The following COQ2 variants were observed in gnomAD, a reference collection of about 807,000 sequenced individuals.
COQ2 encodes coenzyme Q2, polyprenyltransferase.
COQ2 carries 25 observed loss-of-function variants against 35.7 expected under a neutral mutation model. That is an observed-to-expected ratio of 0.70 (90% CI 0.51 to 0.98). The LOEUF (loss-of-function observed/expected upper bound fraction) is 0.98, where lower values mean the gene tolerates loss of function less well. COQ2 is among the 50% of genes least tolerant of loss of function. COQ2 has a pLI of 0.00. For missense variants in COQ2, 488 were observed against 473.5 expected, an observed-to-expected ratio of 1.03 and a Z score of -0.28; for synonymous variants, 206 against 186.2, an observed-to-expected ratio of 1.11 and a Z score of -0.86.
chr4:83,267,526 A>C, intron 6 of COQ2, 60 bp downstream of exon 6: 1 of 1,445,148 alleles, frequency 6.9e-7, no homozygotes, highest in Admixed American at 2.8e-5. Flanking sequence ...CATACTGTTT[A>C]AATAATTTTT....
intron 2 of COQ2, among the ~76,000 whole-genome samples, chr4:83,278,009 CACACA>C (rs1312348313): frequency 4.5e-4 from 67 of 148,236 alleles, no homozygotes; most frequent in African/African-American, 1.7e-3. Context: ...CACACACACA[CACACA>C]CACACACACG....
At chr4:83,268,313 T>C (rs1218222371) in intron 5 of COQ2, among the ~76,000 whole-genome samples, 18 of 152,182 alleles carry the variant, frequency 1.2e-4, no homozygotes, top group Admixed American at 1.1e-3. Context: ...TCAAATCCTG[T>C]TTAGGTAGAG....
At chr4:83,275,712 A>G (rs1442670597) in intron 2 of COQ2, among the ~76,000 whole-genome samples, 1 of 152,078 alleles carries the variant, frequency 6.6e-6, no homozygotes, top group African/African-American at 2.4e-5. Context: ...TTTTAACTCT[A>G]GTCAAGAGTG....
At chr4:83,284,854 C>T (rs766552045), upstream of COQ2, 108 of 1,543,862 alleles carry the variant, frequency 7.0e-5, 1 homozygote, top group East Asian at 2.2e-3. Flanking sequence ...CCTAGTCTGC[C>T]AGGCTGGGCG....
At chr4:83,283,998 AAC>A (rs1271855490) in intron 1 of COQ2, 9 of 985,304 alleles carry the variant, frequency 9.1e-6, no homozygotes, top group Admixed American at 6.1e-5. Flanking sequence ...TCAGCATCAA[AAC>A]ACAGAGTTCT....
chr4:83,284,957 A>G, upstream of COQ2: 1 of 1,373,384 alleles, frequency 7.3e-7, no homozygotes, highest in Non-Finnish European at 9.5e-7. Context: ...TGAAAAAGGG[A>G]TTTCTATTGG....
Position 83,264,286 on chromosome 4 carries a change from A to T in COQ2, c.1029T>A (p.Val343=). The part of the protein sequence containing the change: ...FISNRTLGLI[V]FLGIVLGNLW... The stretch of plus-strand genomic sequence containing the variant: ...AATTCCCAAGGACAATCCCTAAAAA[A>T]ACTATTAGTCCCAGTGTTCGGTTGG... Residue 343 remains valine (V), a synonymous_variant, in exon 7 of 7, where the codon GTT becomes GTA. Coordinates refer to ENST00000647002, the MANE Select transcript of COQ2 (RefSeq NM_001358921.2). 2.5e-6 allele frequency: 4 copies of T among 1,612,378 alleles called. No individual in the cohort carries two copies. Among genetic ancestry groups the T allele is most frequent in the Non-Finnish European group, 3.4e-6 (4 of 1,179,364 alleles).
intron 1 of COQ2, chr4:83,284,022 T>A (rs1735389892): frequency 3.0e-6 from 3 of 985,360 alleles, no homozygotes; most frequent in South Asian, 4.7e-5. Flanking sequence ...CTGGTCTGGC[T>A]CTGACGAGGA....
rs368891722 is a variant in COQ2 at position 83,284,787 on chromosome 4, G to A, written c.-23C>T. On this transcript the variant is annotated 5_prime_UTR_variant, in exon 1 of 7. Coordinates refer to ENST00000647002, the MANE Select transcript of COQ2 (RefSeq NM_001358921.2). ...CATGGCGCTGGTGAGGCCGGGACGA[G>A]CTCGGATTGACGTCATTCCCCGGCA... The A allele has an allele frequency of 5.1e-6, 8 of 1,566,996 alleles. No individual in the cohort carries two copies. The African/African-American group carries it at 5.4e-5, about 11-fold the overall frequency.
intron 2 of COQ2, among the ~76,000 whole-genome samples, chr4:83,278,477 T>C (rs1477701637): frequency 1.3e-5 from 2 of 152,246 alleles, no homozygotes; most frequent in African/African-American, 2.4e-5. Flanking sequence ...GCATGTATTA[T>C]TTTTCTAAGG....
Position 83,284,563 on chromosome 4 carries a change from G to T in COQ2, c.202C>A (p.Pro68Thr). The T allele has an allele frequency of 6.4e-7, 1 of 1,566,558 alleles. No homozygotes were observed. The highest frequency in any genetic ancestry group is 8.6e-7 in the Non-Finnish European group (1 of 1,157,846). ...CGCAAGTACGGCTGCAGGGGGCGGG[G>T]CGCAGAGTCCACCACCGCCGCCGCG... ...LSAAAVVDSA[P>T]RPLQPYLRLM... Residue 68 changes from proline (P) to threonine (T), a missense_variant, in exon 1 of 7, where the codon CCC becomes ACC. Transcript: ENST00000647002.
At chr4:83,283,536 C>T (rs1413893234) in intron 1 of COQ2, 2 of 985,350 alleles carry the variant, frequency 2.0e-6, no homozygotes, top group Non-Finnish European at 2.4e-6. Context: ...AATTTCTTCT[C>T]GAAACTTTCC....
intron 5 of COQ2, among the ~76,000 whole-genome samples, chr4:83,268,275 T>C (rs1036803355): frequency 1.3e-5 from 2 of 152,220 alleles, no homozygotes; most frequent in African/African-American, 2.4e-5. Context: ...TTCCCACTTC[T>C]AGCCCAACCT....
chr4:83,269,882 T>C lies in COQ2; in HGVS notation c.740A>G (p.Tyr247Cys), dbSNP rs121918230. Residue 247 changes from tyrosine (Y) to cysteine (C), a missense_variant, in exon 5 of 7, where the codon TAT becomes TGT. Transcript: ENST00000647002. ...TACCTGATGGGCATAAATAGTATCA[T>C]ATATTAGTGTCCACATAACTCCAGA... ...YFSGVMWTLI[Y>C]DTIYAHQDKR... The C allele has an allele frequency of 1.2e-6, 2 of 1,606,820 alleles. No homozygotes were observed. The highest frequency in any genetic ancestry group is 1.1e-5 in the South Asian group (1 of 90,308).
intron 5 of COQ2, among the ~76,000 whole-genome samples, chr4:83,269,232 T>A (rs914147529): frequency 2.6e-5 from 4 of 151,828 alleles, no homozygotes; most frequent in African/African-American, 9.7e-5. Context: ...AAACTGTGAA[T>A]TTTTTTTTAA....
chr4:83,274,246 C>A (rs1053607553), intron 2 of COQ2, among the ~76,000 whole-genome samples: 1 of 152,056 alleles, frequency 6.6e-6, no homozygotes, highest in East Asian at 1.9e-4. Flanking sequence ...AAAATATTTA[C>A]GAAGTGGCAC....
chr4:83,284,186 G>A (rs1253113575), intron 1 of COQ2: 1 of 985,358 alleles, frequency 1.0e-6, no homozygotes, highest in African/African-American at 1.7e-5. Flanking sequence ...TTTGTGGAAT[G>A]AGAATTATCT....
intron 1 of COQ2, among the ~76,000 whole-genome samples, chr4:83,279,325 A>G (rs1415896334): frequency 2.0e-5 from 3 of 151,726 alleles, no homozygotes; most frequent in Non-Finnish European, 2.9e-5. Context: ...CCAATTAAAA[A>G]AGACAAAACA....
chr4:83,284,591 C>A lies in COQ2; in HGVS notation c.174G>T (p.Leu58Phe). ...CAGAGTCCACCACCGCCGCCGCGGA[C>A]AAACTGAGCTGGCGCCCGCGCGGCT... ...CPEPRGRQLS[L>F]SAAAVVDSAP... The change falls in exon 1 of 7, where the codon TTG (leucine) becomes TTT (phenylalanine). Residue 58 changes from leucine (L) to phenylalanine (F), a missense_variant. By Grantham distance (22) the Leu-to-Phe change is conservative. Coordinates refer to ENST00000647002, the MANE Select transcript of COQ2 (RefSeq NM_001358921.2). 1 of 1,544,666 alleles carries A rather than the reference C, an allele frequency of 6.5e-7. No individual in the cohort carries two copies.
Sources: gnomAD v4.1 joint callset for allele counts (sites outside exome capture counted in the v4.1 genomes callset) on GRCh38, gnomAD v4.1.1 for gene constraint, MANE v1.5 for transcripts, NCBI Gene and HGNC (gene_info 2026-07-23, HGNC 2026-07-21) for gene names.